CA4: variants seen among roughly 807,000 people sequenced by gnomAD.
CA4 encodes carbonic anhydrase 4.
Under a neutral mutation model 34.5 loss-of-function variants are expected in CA4, and 24 were observed. The ratio of observed to expected loss-of-function variants is 0.70; its 90% CI spans 0.50 to 0.98. The LOEUF (loss-of-function observed/expected upper bound fraction) is 0.98, where lower values mean the gene tolerates loss of function less well. CA4 is among the 50% of genes least tolerant of loss of function. CA4 has a pLI of 0.00. For missense variants in CA4, 394 were observed against 396.7 expected (o/e 0.99, Z 0.06); for synonymous variants, 178 against 170.6 (o/e 1.04, Z -0.34).
At chr17:60,162,932 C>T (rs2083809408), downstream of CA4, among the ~76,000 whole-genome samples, 1 of 152,200 alleles carries the variant, frequency 6.6e-6, no homozygotes, top group African/African-American at 2.4e-5. Flanking sequence ...GCTGCAGCAC[C>T]CCGTCCCACC....
chr17:60,162,527 C>T (rs576356790), downstream of CA4, among the ~76,000 whole-genome samples: 19 of 150,494 alleles, frequency 1.3e-4, no homozygotes, highest in African/African-American at 3.4e-4. Context: ...TCTGAGGCCC[C>T]GTGGGTGACT....
downstream of CA4, among the ~76,000 whole-genome samples, chr17:60,171,880 G>C (rs1405319357): frequency 1.3e-5 from 2 of 152,230 alleles, no homozygotes; most frequent in Admixed American, 6.5e-5. Flanking sequence ...CCGAGGCGCG[G>C]ACAAGGCAAG....
chr17:60,164,055 G>A (rs1038179842), downstream of CA4, among the ~76,000 whole-genome samples: 6 of 151,614 alleles, frequency 4.0e-5, no homozygotes, highest in African/African-American at 1.5e-4. Flanking sequence ...CTTAAGCCCA[G>A]GAGTGCAGGC....
chr17:60,151,012 A>G (rs535164183), intron 1 of CA4, among the ~76,000 whole-genome samples: 118 of 152,294 alleles, frequency 7.7e-4, no homozygotes, highest in Middle Eastern at 3.4e-3. Context: ...TTAAAGATTA[A>G]TGGTGAAGCC....
downstream of CA4, among the ~76,000 whole-genome samples, chr17:60,162,527 C>A (rs576356790): frequency 6.6e-6 from 1 of 150,376 alleles, no homozygotes; most frequent in Non-Finnish European, 1.5e-5. Context: ...TCTGAGGCCC[C>A]GTGGGTGACT....
downstream of CA4, among the ~76,000 whole-genome samples, chr17:60,160,425 T>C (rs1170727828): frequency 6.6e-6 from 1 of 152,136 alleles, no homozygotes; most frequent in Non-Finnish European, 1.5e-5. Flanking sequence ...AGCAGGCATG[T>C]TGTCTAATAG....
chr17:60,157,643 G>C, intron 4 of CA4, 47 bp from the exon 5 acceptor site: 1 of 1,612,408 alleles, frequency 6.2e-7, no homozygotes, highest in Non-Finnish European at 8.5e-7. Context: ...AAGGAGGGTA[G>C]TCCAGGCCCT....
intron 5 of CA4, 48 bp downstream of exon 5, chr17:60,157,836 T>C: frequency 6.4e-7 from 1 of 1,564,418 alleles, no homozygotes; most frequent in Non-Finnish European, 8.8e-7. Context: ...GCTGAGAGCT[T>C]CTTCTTAGGA....
chr17:60,162,818 C>T (rs922891569), downstream of CA4, among the ~76,000 whole-genome samples: 2 of 152,144 alleles, frequency 1.3e-5, no homozygotes, highest in African/African-American at 2.4e-5. Flanking sequence ...CAGAGAGGGA[C>T]GGGGCACTTG....
chr17:60,155,193 C>A lies in CA4; in HGVS notation c.59-121C>A, dbSNP rs559509910. On this transcript the variant is annotated intron_variant, in intron 1 of 7. Coordinates refer to ENST00000300900, the MANE Select transcript of CA4 (RefSeq NM_000717.5). ...GGGCCCTCAATCCTGCTGCCAGGAA[C>A]ACTCCATCCCAGCCCAAGAGGGGCT... 1,193 of 842,792 alleles carry A rather than the reference C, an allele frequency of 1.4e-3. 20 individuals are homozygous for A. The South Asian group carries it at 0.016, about 12-fold the overall frequency. The allele number at this position is 842,792 out of a possible 1,614,324, so 52.2% of individuals were successfully genotyped here.
chr17:60,157,501 C>T lies in CA4; in HGVS notation c.343C>T (p.His115Tyr). 6.2e-7 allele frequency: 1 copy of T among 1,614,178 alleles called. No homozygotes were observed. Among genetic ancestry groups the T allele is most frequent in the South Asian group, 1.1e-5 (1 of 91,080 alleles). ...TGCCCCATACCAGGCCAAACAGTTG[C>T]ACCTGCACTGGTCCGACTTGCCATA... is the stretch of plus-strand genomic sequence containing the variant. ...LPAPYQAKQL[H>Y]LHWSDLPYKG... The change falls in exon 4 of 8, where the codon CAC becomes TAC. Residue 115 changes from histidine to tyrosine, a missense_variant. Coordinates refer to ENST00000300900, the MANE Select transcript of CA4 (RefSeq NM_000717.5).
At position 60,158,170 on chromosome 17, in the gene CA4, A is replaced by G. The variant is rs201918448; in HGVS notation, c.580+43A>G. 253 of 1,602,550 alleles carry G rather than the reference A, an allele frequency of 1.6e-4. No homozygotes were observed. The African/African-American group carries it at 2.9e-3, about 19-fold the overall frequency. On this transcript the variant is annotated intron_variant, in intron 6 of 7. Coordinates refer to ENST00000300900, the MANE Select transcript of CA4 (RefSeq NM_000717.5). ...AGAAGGGCTTGGGGTGAGGGGGGGG[A>G]TTCCTCCCACAAAGGAAGGGGTGGG...
At chr17:60,172,924 A>T (rs1189623939), downstream of CA4, among the ~76,000 whole-genome samples, 2 of 152,036 alleles carry the variant, frequency 1.3e-5, no homozygotes, top group Non-Finnish European at 2.9e-5. Flanking sequence ...TGGGTGGATC[A>T]CCTGAGGCTG....
chr17:60,158,068 C>T lies in CA4; in HGVS notation c.521C>T (p.Thr174Ile). The T allele has an allele frequency of 1.9e-6, 3 of 1,613,936 alleles. No individual in the cohort carries two copies. Among genetic ancestry groups the T allele is most frequent in the Non-Finnish European group, 2.5e-6 (3 of 1,179,874 alleles). The change falls in exon 6 of 8, where the codon ACC becomes ATC. Residue 174 changes from threonine (T) to isoleucine (I), a missense_variant. Physicochemically the swap from Thr to Ile is moderately conservative, Grantham distance 89. Coordinates refer to ENST00000300900, the MANE Select transcript of CA4 (RefSeq NM_000717.5). The part of the protein sequence containing the change: ...AVLAFLVEAG[T>I]QVNEGFQPLV... ...CCTTCCCTCCCTTTCCAGGCTGGAA[C>T]CCAGGTGAACGAGGGCTTCCAGCCA...
chr17:60,158,857 A>C, intron 7 of CA4: 1 of 412,042 alleles, frequency 2.4e-6, no homozygotes, highest in Non-Finnish European at 4.5e-6. Flanking sequence ...CCTCAGAGCT[A>C]CTGAATCAGG....
intron 5 of CA4, among the ~76,000 whole-genome samples, chr17:60,164,854 T>A (rs2083839422): frequency 6.6e-6 from 1 of 151,782 alleles, no homozygotes; most frequent in Admixed American, 6.6e-5. Flanking sequence ...AAGAGAGGAA[T>A]GCAGAAACAT....
At chr17:60,155,228 G>C (rs2083656234) in intron 1 of CA4, 86 bp from the exon 2 acceptor site, 1 of 1,307,176 alleles carries the variant, frequency 7.7e-7, no homozygotes, top group Non-Finnish European at 1.1e-6. Flanking sequence ...TCCAACCCCA[G>C]GGGTAGGCCC....
In CA4 at chr17:60,157,174, G is replaced by A. The variant is rs117723338; in HGVS notation, c.269-253G>A. Among the ~76,000 whole-genome samples the A allele has an allele frequency of 3.3e-4, 50 of 152,342 alleles. 1 individual carries two copies. In the East Asian group the frequency reaches 9.6e-3, roughly 29 times the overall value. The stretch of plus-strand genomic sequence containing the variant: ...GAGGTGGACGCAGAGGAGGCACCAG[G>A]ACAGAGCTGCAGTTTGGGGCAGTGG... On this transcript the variant is annotated intron_variant, in intron 3 of 7. Coordinates refer to ENST00000300900, the MANE Select transcript of CA4 (RefSeq NM_000717.5).
chr17:60,164,324 CTTCT>C (rs1162266382), downstream of CA4, among the ~76,000 whole-genome samples: 1 of 146,084 alleles, frequency 6.8e-6, no homozygotes, highest in Non-Finnish European at 1.5e-5. Flanking sequence ...TCCTTCCTTC[CTTCT>C]GTCCTTCCCT....
Sources: allele counts gnomAD v4.1 joint callset (sites outside exome capture counted in the v4.1 genomes callset), GRCh38; gene constraint gnomAD v4.1.1; transcripts MANE v1.5; gene names NCBI Gene and HGNC (gene_info 2026-07-23, HGNC 2026-07-21).